Variants in MAGI2 observed in about 807,000 individuals in gnomAD.
MAGI2 encodes membrane associated guanylate kinase, WW and PDZ domain containing 2.
A neutral mutation model predicts 133.3 loss-of-function variants in MAGI2; 35 were observed. That is an observed-to-expected ratio of 0.26 (90% CI 0.20 to 0.35). MAGI2 has a LOEUF of 0.35. MAGI2 is among the 10% of genes least tolerant of loss of function. The probability of loss-of-function intolerance (pLI) is 1.00; values close to 1 mark genes in which losing one functional copy is unlikely to be tolerated. For missense variants in MAGI2, 1,636 were observed against 1,863.4 expected (o/e 0.88, Z 2.25); for synonymous variants, 729 against 710.6 (o/e 1.03, Z -0.41).
intron 3 of MAGI2, among the ~76,000 whole-genome samples, chr7:78,612,541 C>G (rs930699237): frequency 6.6e-6 from 1 of 152,086 alleles, no homozygotes; most frequent in Non-Finnish European, 1.5e-5. Flanking sequence ...AGGCAATACC[C>G]TTATATACTT....
At chr7:79,296,494 T>G (rs1027374903) in intron 1 of MAGI2, among the ~76,000 whole-genome samples, 1 of 152,128 alleles carries the variant, frequency 6.6e-6, no homozygotes, top group Non-Finnish European at 1.5e-5. Flanking sequence ...AATATAACAC[T>G]CCTCAGTCAT....
At chr7:78,174,727 G>A (rs939150106) in intron 14 of MAGI2, among the ~76,000 whole-genome samples, 1 of 152,150 alleles carries the variant, frequency 6.6e-6, no homozygotes, top group Non-Finnish European at 1.5e-5. Context: ...CTTAGGGTAG[G>A]GGCTGACCAT....
At chr7:78,667,611 A>T (rs953932981) in intron 2 of MAGI2, among the ~76,000 whole-genome samples, 5 of 149,032 alleles carry the variant, frequency 3.4e-5, no homozygotes, top group African/African-American at 5.0e-5. Flanking sequence ...TCATTGTTCA[A>T]TTCCCACCTA....
chr7:78,745,532 T>TAA (rs534131589), intron 2 of MAGI2, among the ~76,000 whole-genome samples: 40 of 146,590 alleles, frequency 2.7e-4, no homozygotes, highest in African/African-American at 9.0e-4. Flanking sequence ...GATCTTGATT[T>TAA]AAAAAAAAAA....
At chr7:78,534,883 C>G (rs146916414) in intron 3 of MAGI2, among the ~76,000 whole-genome samples, 4,272 of 152,162 alleles carry the variant, frequency 0.028, 191 homozygotes, top group African/African-American at 0.096. Context: ...GCCTATAATC[C>G]CAGCACTTTG....
chr7:79,402,066 T>G (rs1332306989), intron 1 of MAGI2, among the ~76,000 whole-genome samples: 3 of 152,170 alleles, frequency 2.0e-5, no homozygotes, highest in African/African-American at 7.2e-5. Flanking sequence ...TTCAAACACA[T>G]GATTCTACAA....
At chr7:79,005,502 T>G (rs1807342320) in intron 2 of MAGI2, among the ~76,000 whole-genome samples, 2 of 152,212 alleles carry the variant, frequency 1.3e-5, no homozygotes, top group Non-Finnish European at 2.9e-5. Flanking sequence ...GTTAATTAAC[T>G]AATGCAAAAT....
intron 15 of MAGI2, among the ~76,000 whole-genome samples, chr7:78,161,787 C>T (rs1341268818): frequency 6.6e-6 from 1 of 151,146 alleles, no homozygotes; most frequent in Non-Finnish European, 1.5e-5. Context: ...ATGAATGAGA[C>T]CCAGGCTGTT....
intron 2 of MAGI2, among the ~76,000 whole-genome samples, chr7:78,934,137 T>C (rs1310880824): frequency 6.6e-6 from 1 of 152,102 alleles, no homozygotes; most frequent in Non-Finnish European, 1.5e-5. Context: ...GTCTTGCTCT[T>C]GTCACCCAGG....
chr7:79,222,944 G>C (rs189578652), intron 1 of MAGI2, among the ~76,000 whole-genome samples: 25 of 152,116 alleles, frequency 1.6e-4, no homozygotes, highest in Admixed American at 4.6e-4. Context: ...GAGTGCAGTG[G>C]CGCTGTCTCG....
At position 79,095,005 on chromosome 7, in the gene MAGI2, C is replaced by T. The variant is rs1035220403; in HGVS notation, c.302-87799G>A. ...GCCCCTAATAAGACAGTCAGTCTGG[C>T]CTTAGAATCTTTGAAGCCAGGCATT... is the stretch of plus-strand genomic sequence containing the variant. On this transcript the variant is annotated intron_variant, in intron 1 of 21. Transcript: ENST00000354212. 5.3e-5 allele frequency among the ~76,000 whole-genome samples: 8 copies of T among 152,226 alleles called. 1 individual carries two copies. The South Asian group carries it at 1.5e-3, about 28-fold the overall frequency.
At chr7:79,352,604 A>C (rs558895070) in intron 1 of MAGI2, among the ~76,000 whole-genome samples, 2 of 152,342 alleles carry the variant, frequency 1.3e-5, no homozygotes, top group South Asian at 4.1e-4. Context: ...CTGTTCCCAT[A>C]GTGCTATTAT....
intron 6 of MAGI2, among the ~76,000 whole-genome samples, chr7:78,418,012 T>C (rs1334449057): frequency 1.3e-5 from 2 of 152,126 alleles, no homozygotes; most frequent in Non-Finnish European, 1.5e-5. Flanking sequence ...AGGGTATACT[T>C]GGAGTTGCAC....
At chr7:79,314,966 A>G (rs1838590188) in intron 1 of MAGI2, among the ~76,000 whole-genome samples, 1 of 152,144 alleles carries the variant, frequency 6.6e-6, no homozygotes, top group Admixed American at 6.6e-5. Context: ...ATTTAAACAA[A>G]GCCTAGCCAA....
At chr7:78,695,290 C>T (rs1043562257) in intron 2 of MAGI2, among the ~76,000 whole-genome samples, 1 of 152,164 alleles carries the variant, frequency 6.6e-6, no homozygotes, top group Admixed American at 6.5e-5. Flanking sequence ...ATATAGAACA[C>T]ATATGCAAAT....
intron 16 of MAGI2, among the ~76,000 whole-genome samples, chr7:78,135,990 AAAT>A (rs1822077575): frequency 6.6e-6 from 1 of 152,250 alleles, no homozygotes; most frequent in Admixed American, 6.5e-5. Context: ...ACTGCTAACT[AAAT>A]AATGATGCTC....
At chr7:78,168,423 T>C (rs534522237) in intron 14 of MAGI2, among the ~76,000 whole-genome samples, 2 of 152,192 alleles carry the variant, frequency 1.3e-5, no homozygotes, top group South Asian at 2.1e-4. Context: ...GAGATAAATA[T>C]TTTGAACATG....
chr7:79,002,213 C>A (rs6952133), intron 2 of MAGI2, among the ~76,000 whole-genome samples: 41 of 150,956 alleles, frequency 2.7e-4, no homozygotes, highest in African/African-American at 9.5e-4. Context: ...CTCACTGCAG[C>A]CTTGACTTCC....
At chr7:78,977,496 AAAGAAAGAAAG>A (rs1804386309) in intron 2 of MAGI2, among the ~76,000 whole-genome samples, 1 of 31,610 alleles carries the variant, frequency 3.2e-5, no homozygotes, top group Non-Finnish European at 9.7e-5. Context: ...AGAAAGAAAG[AAAGAAAGAAAG>A]AAAGAAAGAA....
Sources: gnomAD v4.1 joint callset for allele counts (sites outside exome capture counted in the v4.1 genomes callset) on GRCh38, gnomAD v4.1.1 for gene constraint, MANE v1.5 for transcripts, NCBI Gene and HGNC (gene_info 2026-07-23, HGNC 2026-07-21) for gene names.